Variants in LRP2 observed in about 807,000 individuals in gnomAD.
The protein encoded by LRP2 is LDL receptor related protein 2, also known as low-density lipoprotein receptor-related protein 2.
Under a neutral mutation model 531.0 loss-of-function variants are expected in LRP2, and 172 were observed. The observed-to-expected ratio is 0.32, with a 90% CI of 0.29 to 0.37. LRP2 has a LOEUF of 0.37. Ranked by LOEUF, LRP2 falls within the 10% of genes least tolerant of loss-of-function variation. LRP2 has a pLI of 1.00. For missense variants in LRP2, 5,167 were observed against 5,868.3 expected, an observed-to-expected ratio of 0.88 and a Z score of 3.90; for synonymous variants, 1,992 against 2,027.6, an observed-to-expected ratio of 0.98 and a Z score of 0.47.
rs191475875 is a variant in LRP2 at position 169,334,448 on chromosome 2, G to A, written c.80-13564C>T. 3.1e-3 allele frequency among the ~76,000 whole-genome samples: 469 copies of A among 152,270 alleles called. 1 individual carries two copies. The highest frequency in any genetic ancestry group is 8.5e-3 in the South Asian group (41 of 4,828). On this transcript the variant is annotated intron_variant, in intron 1 of 78. Coordinates refer to ENST00000649046, the MANE Select transcript of LRP2 (RefSeq NM_004525.3). ...AGTGGCCATCTCAATTCTGGGTGTT[G>A]GGTACCTATAGTTACAGTCTTGGAT... is the stretch of plus-strand genomic sequence containing the variant.
intron 3 of LRP2, among the ~76,000 whole-genome samples, chr2:169,315,022 A>T (rs374024076): frequency 2.0e-5 from 3 of 152,242 alleles, no homozygotes; most frequent in Admixed American, 6.5e-5. Flanking sequence ...TCTTTACGTC[A>T]AGCCCAAATA....
chr2:169,194,098 A>C (rs1687923386), intron 46 of LRP2, among the ~76,000 whole-genome samples: 1 of 152,162 alleles, frequency 6.6e-6, no homozygotes, highest in African/African-American at 2.4e-5. Context: ...GCAAAGCCCT[A>C]ATTATCTTTG....
chr2:169,177,834 G>T lies in LRP2; in HGVS notation c.10362C>A (p.Ile3454=). 6.2e-7 allele frequency: 1 copy of T among 1,614,196 alleles called. No homozygotes were observed. Among genetic ancestry groups the T allele is most frequent in the African/African-American group, 1.3e-5 (1 of 75,042 alleles). ...GCTGCCTATATGGATGGTACACATG[G>T]ATGTCAAATGGTCTGTGTGTTGTGT... The part of the protein sequence containing the change: ...LVNTTHRPFD[I]HVYHPYRQPI... Residue 3454 remains isoleucine, a synonymous_variant, in exon 53 of 79, where the codon ATC becomes ATA. Transcript: ENST00000649046.
intron 3 of LRP2, among the ~76,000 whole-genome samples, chr2:169,317,323 G>C (rs1262384354): frequency 6.6e-6 from 1 of 152,078 alleles, no homozygotes; most frequent in African/African-American, 2.4e-5. Flanking sequence ...AGAGAAAATA[G>C]ACTCAAAACT....
At chr2:169,350,508 G>A (rs967591818) in intron 1 of LRP2, among the ~76,000 whole-genome samples, 4 of 152,028 alleles carry the variant, frequency 2.6e-5, no homozygotes, top group Non-Finnish European at 5.9e-5. Context: ...AGGATGACTT[G>A]AGGTCAGGAG....
chr2:169,309,791 T>C (rs904725254), intron 3 of LRP2, among the ~76,000 whole-genome samples: 4 of 152,210 alleles, frequency 2.6e-5, no homozygotes, highest in Non-Finnish European at 4.4e-5. Context: ...GGGGATGGCA[T>C]TGAATCTATA....
At chr2:169,232,802 C>G (rs539254312) in intron 30 of LRP2, among the ~76,000 whole-genome samples, 1 of 152,284 alleles carries the variant, frequency 6.6e-6, no homozygotes, top group East Asian at 1.9e-4. Flanking sequence ...AATGTGGCAA[C>G]AGCGAGTGGG....
At chr2:169,159,740 C>G (rs747559268) in intron 63 of LRP2, among the ~76,000 whole-genome samples, 3 of 152,112 alleles carry the variant, frequency 2.0e-5, no homozygotes, top group Non-Finnish European at 4.4e-5. Context: ...TGAATCTGAC[C>G]TATGTTTATT....
At chr2:169,361,677 C>T (rs1339221172) in intron 1 of LRP2, among the ~76,000 whole-genome samples, 1 of 152,178 alleles carries the variant, frequency 6.6e-6, no homozygotes, top group Admixed American at 6.5e-5. Context: ...CATTCATCAA[C>T]ACAAAAGCCC....
chr2:169,195,099 C>A (rs1038124932), intron 46 of LRP2, among the ~76,000 whole-genome samples: 1 of 152,078 alleles, frequency 6.6e-6, no homozygotes, highest in African/African-American at 2.4e-5. Context: ...CACATGTGCA[C>A]AAAGGATGTT....
intron 1 of LRP2, among the ~76,000 whole-genome samples, chr2:169,338,377 AAAG>A (rs1553515997): frequency 8.0e-6 from 1 of 124,718 alleles, no homozygotes; most frequent in Non-Finnish European, 1.7e-5. Context: ...AGAAAGAAAG[AAAG>A]AAAGAAAGAA....
intron 3 of LRP2, among the ~76,000 whole-genome samples, chr2:169,316,949 A>C (rs1684780079): frequency 6.6e-6 from 1 of 152,120 alleles, no homozygotes; most frequent in Non-Finnish European, 1.5e-5. Flanking sequence ...AGTCAAGTGC[A>C]ATCTAAATGC....
At chr2:169,319,164 G>A (rs1022808828) in intron 2 of LRP2, among the ~76,000 whole-genome samples, 1 of 152,086 alleles carries the variant, frequency 6.6e-6, no homozygotes, top group Non-Finnish European at 1.5e-5. Context: ...TATGATAAAG[G>A]TATTAGATTA....
chr2:169,179,205 T>C (rs1687333765), intron 52 of LRP2, among the ~76,000 whole-genome samples: 1 of 151,884 alleles, frequency 6.6e-6, no homozygotes, highest in East Asian at 1.9e-4. Context: ...CAGGGTTTCG[T>C]CATGTTGCCC....
intron 1 of LRP2, among the ~76,000 whole-genome samples, chr2:169,340,592 G>C (rs1194182740): frequency 6.6e-6 from 1 of 152,132 alleles, no homozygotes; most frequent in East Asian, 1.9e-4. Context: ...CCACTACCTG[G>C]CATAGAGAAA....
intron 3 of LRP2, among the ~76,000 whole-genome samples, chr2:169,309,043 G>A (rs1452459140): frequency 2.0e-5 from 3 of 152,212 alleles, no homozygotes; most frequent in East Asian, 3.9e-4. Context: ...GTCTGTTCAT[G>A]TCCTTTGCCC....
chr2:169,339,535 A>G (rs1685506641), intron 1 of LRP2, among the ~76,000 whole-genome samples: 1 of 152,190 alleles, frequency 6.6e-6, no homozygotes, highest in Non-Finnish European at 1.5e-5. Flanking sequence ...TTCAACAATT[A>G]TATTTCAAGG....
chr2:169,173,807 G>C (rs1247283945), intron 56 of LRP2, 112 bp downstream of exon 56: 2 of 1,456,788 alleles, frequency 1.4e-6, no homozygotes, highest in Non-Finnish European at 1.9e-6. Flanking sequence ...GTGCCAAGGG[G>C]GAGCATCCCA....
At chr2:169,299,070 GGAAAGAAAGAAAGAAGGAAAGAAA>G (rs1165641003) in intron 4 of LRP2, among the ~76,000 whole-genome samples, 39 of 114,998 alleles carry the variant, frequency 3.4e-4, no homozygotes, top group Admixed American at 1.4e-3. Context: ...AAAGAAAGAA[GGAAAGAAAGAAAGAAGGAAAGAAA>G]GAAAGAAAGA....
Sources: allele counts gnomAD v4.1 joint callset (sites outside exome capture counted in the v4.1 genomes callset), GRCh38; gene constraint gnomAD v4.1.1; transcripts MANE v1.5; gene names NCBI Gene and HGNC (gene_info 2026-07-23, HGNC 2026-07-21).